ZNF717: variants seen among roughly 807,000 people sequenced by gnomAD.
ZNF717 encodes krueppel-like factor X17.
ZNF717 carries 9 observed loss-of-function variants against 13.8 expected under a neutral mutation model. The observed-to-expected ratio is 0.65, with a 90% CI of 0.39 to 1.14. ZNF717 has a LOEUF of 1.14. ZNF717 is among the 50% of genes most tolerant of loss of function. ZNF717 has a pLI of 0.01. For missense variants in ZNF717, 1,040 were observed against 1,080.7 expected, an observed-to-expected ratio of 0.96 and a Z score of 0.53; for synonymous variants, 327 against 364.1, an observed-to-expected ratio of 0.90 and a Z score of 1.16.
Position 75,741,659 on chromosome 3 carries a change from G to C in ZNF717, c.135C>G (p.Thr45=). 4 of 1,469,148 alleles carry C rather than the reference G, an allele frequency of 2.7e-6. No homozygotes were observed. In the South Asian group the frequency reaches 3.5e-5, roughly 13 times the overall value. 91.0% of individuals were successfully genotyped at this position (1,469,148 alleles called of 1,614,324 possible). ...EWQDLDDAQR[T]LYRDVMLETY... ...TCTCCAGCATCACGTCCCTGTACAG[G>C]GTCCTCTGAGCATCATCCAGGTCCT... Residue 45 remains threonine, a synonymous_variant, in exon 3 of 5, where the codon ACC becomes ACG. Transcript: ENST00000652011.
At chr3:75,770,833 T>C (rs1379840319) in intron 2 of ZNF717, among the ~76,000 whole-genome samples, 1 of 152,080 alleles carries the variant, frequency 6.6e-6, no homozygotes, top group Non-Finnish European at 1.5e-5. Flanking sequence ...GTCTAAGCTG[T>C]AGAGAAACAG....
chr3:75,702,491 G>A (rs369997129), intron 6 of ZNF717, among the ~76,000 whole-genome samples: 2 of 151,804 alleles, frequency 1.3e-5, no homozygotes, highest in Admixed American at 1.3e-4. Flanking sequence ...TGACGGAACA[G>A]GGGGATAGTG....
downstream of ZNF717, among the ~76,000 whole-genome samples, chr3:75,731,102 C>T (rs1379406569): frequency 1.4e-5 from 2 of 142,666 alleles, no homozygotes; most frequent in Non-Finnish European, 3.1e-5. Flanking sequence ...TTAGGCTGGG[C>T]ATGGAGGCTC....
At chr3:75,705,250 T>A (rs564125557), downstream of ZNF717, among the ~76,000 whole-genome samples, 5 of 123,790 alleles carry the variant, frequency 4.0e-5, no homozygotes, top group Admixed American at 3.2e-4. Flanking sequence ...CCTTCCCATT[T>A]CCCCGTTCGA....
At chr3:75,707,948 C>T (rs1377937831), downstream of ZNF717, among the ~76,000 whole-genome samples, 12 of 152,362 alleles carry the variant, frequency 7.9e-5, no homozygotes, top group Non-Finnish European at 1.5e-4. Flanking sequence ...ACAAAGCAGC[C>T]GGGAAGCTCG....
chr3:75,730,903 T>TA (rs1457964918), downstream of ZNF717, among the ~76,000 whole-genome samples: 1 of 152,262 alleles, frequency 6.6e-6, no homozygotes, highest in Non-Finnish European at 1.5e-5. Flanking sequence ...ATTAAGAAGA[T>TA]AAGTCTTAGA....
At chr3:75,758,112 CAAA>C (rs111361124) in intron 2 of ZNF717, among the ~76,000 whole-genome samples, 7 of 64,572 alleles carry the variant, frequency 1.1e-4, no homozygotes, top group Middle Eastern at 0.01. Context: ...GACTCCATCT[CAAA>C]AAAAAAAAAA....
rs146853808 is a variant in ZNF717, at chr3:75,722,803, CAAAAA to C, written n.545-6267_545-6263del. Among the ~76,000 whole-genome samples, 112 of 98,878 alleles carry C rather than the reference CAAAAA, an allele frequency of 1.1e-3. No homozygotes were observed. In the Middle Eastern group the frequency reaches 0.023, roughly 21 times the overall value. 64.9% of individuals were successfully genotyped at this position (98,878 alleles called of 152,430 possible). On this transcript the variant is annotated intron_variant and non_coding_transcript_variant, in intron 4 of 5. Coordinates refer to the ZNF717 transcript ENST00000491507. ...CTGGTGACAGAGTGAAACTCCATCT[CAAAAA>C]AAAAAAAAAAAAAAATTTAAGTATT... is the stretch of plus-strand genomic sequence containing the variant.
intron 2 of ZNF717, among the ~76,000 whole-genome samples, chr3:75,752,414 C>T (rs1941945810): frequency 2.0e-5 from 3 of 149,836 alleles, no homozygotes; most frequent in Admixed American, 2.0e-4. Flanking sequence ...AATGTCTGTC[C>T]CTCACATAAG....
chr3:75,776,473 T>A (rs910928131), intron 2 of ZNF717, among the ~76,000 whole-genome samples: 1 of 152,258 alleles, frequency 6.6e-6, no homozygotes, highest in African/African-American at 2.4e-5. Flanking sequence ...AAACAGTAGA[T>A]TATTATGCTG....
intron 2 of ZNF717, among the ~76,000 whole-genome samples, chr3:75,773,468 G>A (rs1040052512): frequency 2.0e-5 from 3 of 152,198 alleles, no homozygotes; most frequent in African/African-American, 7.2e-5. Context: ...ATATGCAGAA[G>A]CTTCTAAAAA....
chr3:75,696,698 GTATGGCCAA>G (rs1172915240), intron 6 of ZNF717, among the ~76,000 whole-genome samples: 1 of 152,302 alleles, frequency 6.6e-6, no homozygotes, highest in Admixed American at 6.5e-5. Context: ...TTCTAAACCA[GTATGGCCAA>G]CATGGCAAAG....
At chr3:75,763,586 C>A (rs1052223908) in intron 2 of ZNF717, among the ~76,000 whole-genome samples, 1 of 152,256 alleles carries the variant, frequency 6.6e-6, no homozygotes, top group Non-Finnish European at 1.5e-5. Flanking sequence ...ACTGGGGCAC[C>A]TCCTATCTCT....
In ZNF717 at chr3:75,737,868, A is replaced by G; in HGVS notation, c.1755T>C (p.His585=). ...KSFLTIHQRT[H]AGKKPYECNE... is the part of the protein sequence containing the mutation. ...TACATTCATAGGGTTTTTTGCCAGC[A>G]TGAGTTCTCTGATGTATAGTTAGGA... The change falls in exon 5 of 5, where the codon CAT becomes CAC. Residue 585 remains histidine (H), a synonymous_variant. Transcript: ENST00000652011. 2 of 1,545,860 alleles carry G rather than the reference A, an allele frequency of 1.3e-6. No individual in the cohort carries two copies. The highest frequency in any genetic ancestry group is 1.7e-6 in the Non-Finnish European group (2 of 1,143,526).
chr3:75,720,167 A>G (rs1201016476), intron 4 of ZNF717, among the ~76,000 whole-genome samples: 3,508 of 152,152 alleles, frequency 0.023, 144 homozygotes, highest in African/African-American at 0.079. Context: ...AAGAAAATAA[A>G]TTATAATTAT....
chr3:75,726,084 G>A (rs1938273367), downstream of ZNF717, among the ~76,000 whole-genome samples: 3 of 152,196 alleles, frequency 2.0e-5, no homozygotes, highest in Non-Finnish European at 2.9e-5. Context: ...ATCAATTCGT[G>A]TCATTATTTA....
intron 2 of ZNF717, among the ~76,000 whole-genome samples, chr3:75,758,924 C>CAGG (rs1296318196): frequency 2.0e-5 from 3 of 152,148 alleles, no homozygotes; most frequent in Non-Finnish European, 4.4e-5. Flanking sequence ...TTTGATTGAG[C>CAGG]AGGAGGTTGA....
chr3:75,746,447 G>C (rs1348266378), intron 2 of ZNF717, among the ~76,000 whole-genome samples: 2 of 152,126 alleles, frequency 1.3e-5, no homozygotes, highest in African/African-American at 2.4e-5. Flanking sequence ...CGTCCCTGAG[G>C]AATCACCACA....
intron 2 of ZNF717, among the ~76,000 whole-genome samples, chr3:75,781,705 C>T (rs1391401970): frequency 3.3e-5 from 5 of 152,180 alleles, no homozygotes; most frequent in Admixed American, 1.3e-4. Context: ...AGCTGACTTT[C>T]AACATATCAA....
Sources: gnomAD v4.1 joint callset for allele counts (sites outside exome capture counted in the v4.1 genomes callset) on GRCh38, gnomAD v4.1.1 for gene constraint, MANE v1.5 for transcripts, NCBI Gene and HGNC (gene_info 2026-07-23, HGNC 2026-07-21) for gene names.